The following SPTLC3 variants were observed in gnomAD, a reference collection of about 807,000 sequenced individuals.
SPTLC3 encodes serine palmitoyltransferase 3.
A neutral mutation model predicts 59.3 loss-of-function variants in SPTLC3; 36 were observed. The observed-to-expected ratio is 0.61, with a 90% CI of 0.47 to 0.80. SPTLC3 has a LOEUF of 0.80. Ranked by LOEUF, SPTLC3 falls within the 30% of genes least tolerant of loss-of-function variation. The pLI is 0.00. For synonymous variants in SPTLC3, 257 were observed against 240.8 expected, an observed-to-expected ratio of 1.07 and a Z score of -0.62; for missense variants, 625 against 685.1, an observed-to-expected ratio of 0.91 and a Z score of 0.98.
In SPTLC3 at chr20:13,165,262, T is replaced by A. The variant is rs975068546; in HGVS notation, c.*395T>A. Reference sequence around the variant, plus strand: ...TCACTATGTGTTTACTTATTCCATCTGCAGATGTAAGTGAGTGTGGTGGAC... The same window carrying A: ...TCACTATGTGTTTACTTATTCCATCAGCAGATGTAAGTGAGTGTGGTGGAC... On this transcript the variant is annotated 3_prime_UTR_variant, in exon 12 of 12. Coordinates refer to ENST00000399002, the MANE Select transcript of SPTLC3 (RefSeq NM_018327.4). 1.8e-5 allele frequency: 3 copies of A among 167,650 alleles called. No individual in the cohort carries two copies. Among genetic ancestry groups the A allele is most frequent in the African/African-American group, 7.2e-5 (3 of 41,758 alleles). 10.4% of individuals were successfully genotyped at this position (167,650 alleles called of 1,614,324 possible).
intron 1 of SPTLC3, among the ~76,000 whole-genome samples, chr20:13,023,725 A>G (rs1549825): frequency 0.9 from 137,440 of 152,250 alleles, 63,721 homozygotes; most frequent in East Asian, 1. Flanking sequence ...TGACCAGGTA[A>G]CAACATGCTT....
chr20:13,021,065 A>G (rs911883688), intron 1 of SPTLC3, among the ~76,000 whole-genome samples: 4 of 152,198 alleles, frequency 2.6e-5, no homozygotes, highest in African/African-American at 7.2e-5. Context: ...CCTTCATCCC[A>G]TAATGACTTC....
At chr20:13,136,451 T>C (rs2038245718) in intron 9 of SPTLC3, among the ~76,000 whole-genome samples, 1 of 151,330 alleles carries the variant, frequency 6.6e-6, no homozygotes, top group Non-Finnish European at 1.5e-5. Context: ...TACAAAAAAA[T>C]TAGATGGCGG....
intron 2 of SPTLC3, 136 bp downstream of exon 2, chr20:13,049,266 C>T (rs764846005): frequency 1.7e-5 from 17 of 977,552 alleles, no homozygotes; most frequent in Non-Finnish European, 2.7e-5. Flanking sequence ...TCATTCATCT[C>T]CACCTCCTAA....
chr20:13,075,240 A>G (rs907834701), intron 4 of SPTLC3, among the ~76,000 whole-genome samples: 3 of 152,108 alleles, frequency 2.0e-5, no homozygotes, highest in Admixed American at 2.0e-4. Flanking sequence ...CAAGGAAGTT[A>G]AATAACCAAC....
At chr20:13,112,819 GA>G (rs1009266029) in intron 7 of SPTLC3, among the ~76,000 whole-genome samples, 3 of 152,168 alleles carry the variant, frequency 2.0e-5, no homozygotes, top group African/African-American at 7.2e-5. Context: ...GCCTAGAGTT[GA>G]GTTCTACAGC....
intron 8 of SPTLC3, among the ~76,000 whole-genome samples, chr20:13,124,759 C>T (rs1251579915): frequency 1.3e-5 from 2 of 152,122 alleles, no homozygotes; most frequent in African/African-American, 4.8e-5. Context: ...TGCTTGTGAG[C>T]AACAATGCCC....
intron 9 of SPTLC3, among the ~76,000 whole-genome samples, chr20:13,134,939 A>G (rs1278348202): frequency 6.6e-6 from 1 of 152,154 alleles, no homozygotes; most frequent in Admixed American, 6.5e-5. Context: ...CCCCATGACC[A>G]CTTTGGCATC....
chr20:13,061,256 T>C (rs921568895), intron 2 of SPTLC3, among the ~76,000 whole-genome samples: 1 of 152,186 alleles, frequency 6.6e-6, no homozygotes, highest in African/African-American at 2.4e-5. Context: ...GAAAGCTGCA[T>C]ATCATCACAG....
intron 3 of SPTLC3, chr20:13,074,052 T>A (rs1988549161): frequency 1.6e-6 from 1 of 642,732 alleles, no homozygotes; most frequent in South Asian, 1.4e-5. Context: ...CAGGTCCAAG[T>A]TGGAGGCCTG....
intron 9 of SPTLC3, among the ~76,000 whole-genome samples, chr20:13,150,975 A>G (rs2038629303): frequency 6.6e-6 from 1 of 152,110 alleles, no homozygotes; most frequent in Non-Finnish European, 1.5e-5. Context: ...ACATTTCTCT[A>G]CACTGTGCAT....
At chr20:13,128,275 A>G (rs1366809596) in intron 9 of SPTLC3, among the ~76,000 whole-genome samples, 1 of 152,272 alleles carries the variant, frequency 6.6e-6, no homozygotes, top group Non-Finnish European at 1.5e-5. Context: ...GAAGTGAAGT[A>G]GGACTAGATG....
rs2039018601 is a variant in SPTLC3, at chr20:13,169,009, TG to T, written c.*4143del. Reference sequence around the variant, plus strand: ...TGTGTGTGAGAAGGACAGAGAGAAATGTATGTTTCACTGAAACATTTGAAAC... The same window carrying T: ...TGTGTGTGAGAAGGACAGAGAGAAATTATGTTTCACTGAAACATTTGAAAC... On this transcript the variant is annotated 3_prime_UTR_variant, in exon 12 of 12. Transcript: ENST00000399002. The T allele has an allele frequency of 1.0e-5, 1 of 97,186 alleles. No homozygotes were observed. The highest frequency in any genetic ancestry group is 2.4e-5 in the Non-Finnish European group (1 of 40,844). The allele number at this position is 97,186 out of a possible 1,614,324, so 6.0% of individuals were successfully genotyped here. A position where few individuals can be genotyped will look rare whatever the true frequency, so the allele number is the denominator to read the frequency against.
chr20:13,108,992 A>G (rs898007684), intron 6 of SPTLC3, among the ~76,000 whole-genome samples: 10 of 152,222 alleles, frequency 6.6e-5, no homozygotes, highest in African/African-American at 2.4e-4. Flanking sequence ...GAAATGCAAA[A>G]AATACACAGT....
At chr20:13,140,710 T>C (rs190964461) in intron 9 of SPTLC3, among the ~76,000 whole-genome samples, 42 of 152,334 alleles carry the variant, frequency 2.8e-4, no homozygotes, top group African/African-American at 1.0e-3. Context: ...AAAAGTTGAT[T>C]AAAATGTCAA....
At chr20:13,050,957 C>T (rs1041371044) in intron 2 of SPTLC3, 4 of 152,080 alleles carry the variant, frequency 2.6e-5, no homozygotes, top group Non-Finnish European at 5.9e-5. Flanking sequence ...GAAAACAGAG[C>T]TTCTTTAAAG....
At position 13,143,742 on chromosome 20, in the gene SPTLC3, G is replaced by A. The variant is rs183801371; in HGVS notation, c.1280-10261G>A. Among the ~76,000 whole-genome samples, 267 of 152,318 alleles carry A rather than the reference G, an allele frequency of 1.8e-3. 1 individual carries two copies. Among genetic ancestry groups the A allele is most frequent in the Middle Eastern group, 0.014 (4 of 294 alleles). On this transcript the variant is annotated intron_variant, in intron 9 of 11. Coordinates refer to ENST00000399002, the MANE Select transcript of SPTLC3 (RefSeq NM_018327.4). ...GCAGCTGCCTTGGATGGGGCTTCCT[G>A]GTGGCCACCTTCATTTGCACGGTTT... is the stretch of plus-strand genomic sequence containing the variant.
intron 9 of SPTLC3, among the ~76,000 whole-genome samples, chr20:13,130,224 C>G (rs539801130): frequency 6.6e-6 from 1 of 152,182 alleles, no homozygotes; most frequent in Non-Finnish European, 1.5e-5. Context: ...TTAGCTCACC[C>G]CTTTCTGCAG....
chr20:13,106,710 C>T (rs766287189), intron 6 of SPTLC3, among the ~76,000 whole-genome samples: 2 of 152,168 alleles, frequency 1.3e-5, no homozygotes, highest in Non-Finnish European at 2.9e-5. Context: ...CTGGGGTAAC[C>T]GTGCCCTACG....
Sources: gnomAD v4.1 joint callset for allele counts (sites outside exome capture counted in the v4.1 genomes callset) on GRCh38, gnomAD v4.1.1 for gene constraint, MANE v1.5 for transcripts, NCBI Gene and HGNC (gene_info 2026-07-23, HGNC 2026-07-21) for gene names.